Variants in ARHGAP44 observed in about 807,000 individuals in gnomAD.
ARHGAP44 encodes rho GTPase-activating protein 44.
ARHGAP44 carries 43 observed loss-of-function variants against 106.8 expected under a neutral mutation model. That is an observed-to-expected ratio of 0.40 (90% CI 0.32 to 0.52). The LOEUF is 0.52. ARHGAP44 is among the 20% of genes least tolerant of loss of function. ARHGAP44 has a pLI of 0.48. For synonymous variants in ARHGAP44, 439 were observed against 410.3 expected (o/e 1.07, Z -0.85); for missense variants, 866 against 1,050.5 (o/e 0.82, Z 2.43).
At chr17:12,831,016 G>A (rs1003643016) in intron 1 of ARHGAP44, among the ~76,000 whole-genome samples, 4 of 152,146 alleles carry the variant, frequency 2.6e-5, no homozygotes, top group Admixed American at 6.5e-5. Flanking sequence ...TTTCCTGTTC[G>A]GTTTTTGTCC....
chr17:12,892,985 T>A (rs983381677), intron 1 of ARHGAP44, among the ~76,000 whole-genome samples: 1 of 150,812 alleles, frequency 6.6e-6, no homozygotes, highest in Non-Finnish European at 1.5e-5. Context: ...TCAGTTTGAG[T>A]TTTTTTTTCT....
chr17:12,848,918 C>T (rs1408957326), intron 1 of ARHGAP44, among the ~76,000 whole-genome samples: 1 of 151,998 alleles, frequency 6.6e-6, no homozygotes, highest in Non-Finnish European at 1.5e-5. Flanking sequence ...CGTGGTGGCG[C>T]ATGCCTGTAA....
chr17:12,802,968 TA>T (rs1185458121), intron 1 of ARHGAP44, among the ~76,000 whole-genome samples: 97 of 23,818 alleles, frequency 4.1e-3, no homozygotes, highest in Non-Finnish European at 5.7e-3. Flanking sequence ...TATATATATA[TA>T]TTTTTTTTTT....
intron 3 of ARHGAP44, among the ~76,000 whole-genome samples, chr17:12,902,450 A>G (rs2037400943): frequency 6.6e-6 from 1 of 152,118 alleles, no homozygotes; most frequent in African/African-American, 2.4e-5. Context: ...TTCATAGCAC[A>G]TATTAGTATC....
intron 1 of ARHGAP44, among the ~76,000 whole-genome samples, chr17:12,871,237 T>C (rs992160112): frequency 1.3e-5 from 2 of 152,178 alleles, no homozygotes; most frequent in Non-Finnish European, 2.9e-5. Context: ...TCACGTCAAA[T>C]TGTAATCCCC....
chr17:12,868,591 T>TTATATATATATATATATATATATATATA (rs1209692482), intron 1 of ARHGAP44, among the ~76,000 whole-genome samples: 1 of 47,142 alleles, frequency 2.1e-5, no homozygotes, highest in Non-Finnish European at 4.4e-5. Flanking sequence ...TATATGCATT[T>TTATATATATATATATATATATATATATA]TATATATATA....
intron 1 of ARHGAP44, among the ~76,000 whole-genome samples, chr17:12,890,094 G>A (rs1040195388): frequency 3.3e-5 from 5 of 152,080 alleles, no homozygotes; most frequent in Non-Finnish European, 5.9e-5. Context: ...ACAGTTCTGG[G>A]GTTTGGGGGC....
At position 12,990,730 on chromosome 17, in the gene ARHGAP44, C is replaced by T. The variant is rs1407736643; in HGVS notation, c.*559C>T. 1 of 152,434 alleles carries T rather than the reference C, an allele frequency of 6.6e-6. No individual in the cohort carries two copies. The highest frequency in any genetic ancestry group is 2.4e-5 in the African/African-American group (1 of 41,476). 9.4% of individuals were successfully genotyped at this position (152,434 alleles called of 1,614,324 possible). A position where few individuals can be genotyped will look rare whatever the true frequency, so the allele number is the denominator to read the frequency against. The stretch of plus-strand genomic sequence containing the variant: ...GGGGGAGGGCTTGCCACTGGAAAAC[C>T]TTTCAGGCCGCCCCCATCAGTGGGC... On this transcript the variant is annotated 3_prime_UTR_variant, in exon 21 of 21. Coordinates refer to ENST00000379672, the MANE Select transcript of ARHGAP44 (RefSeq NM_014859.6).
In ARHGAP44 at chr17:12,789,777, G is replaced by T; in HGVS notation, c.-62G>T. On this transcript the variant is annotated 5_prime_UTR_variant, in exon 1 of 21. Coordinates refer to ENST00000379672, the MANE Select transcript of ARHGAP44 (RefSeq NM_014859.6). ...CCGCGCGGGAGCCATGTAACCCTGC[G>T]GCGGGCTCCGGGCTGCTCCGTCCTT... 7.1e-7 allele frequency: 1 copy of T among 1,416,420 alleles called. No homozygotes were observed. Among genetic ancestry groups the T allele is most frequent in the Non-Finnish European group, 9.3e-7 (1 of 1,080,504 alleles). The allele number at this position is 1,416,420 out of a possible 1,614,324, so 87.7% of individuals were successfully genotyped here. A position where few individuals can be genotyped will look rare whatever the true frequency, so the allele number is the denominator to read the frequency against.
chr17:12,989,534 ACTC>A (rs1343143910), intron 20 of ARHGAP44, among the ~76,000 whole-genome samples: 1 of 151,824 alleles, frequency 6.6e-6, no homozygotes, highest in African/African-American at 2.4e-5. Flanking sequence ...GAGACCTTCT[ACTC>A]CACCCATGTC....
rs567145443 is a variant in ARHGAP44 at position 12,799,529 on chromosome 17, A to G, written c.53+9638A>G. On this transcript the variant is annotated intron_variant, in intron 1 of 20. Transcript: ENST00000379672. ...GGCCTGGAATTCACAAACGTCACTT[A>G]TGTTCACTTTTCATGGGCCAGTACT... Among the ~76,000 whole-genome samples the G allele has an allele frequency of 1.3e-4, 20 of 152,182 alleles. No individual in the cohort carries two copies. The South Asian group carries it at 2.3e-3, about 17-fold the overall frequency.
intron 12 of ARHGAP44, among the ~76,000 whole-genome samples, chr17:12,951,813 GA>G (rs1430635344): frequency 6.6e-6 from 1 of 152,192 alleles, no homozygotes; most frequent in Non-Finnish European, 1.5e-5. Context: ...GCTTTTTAAA[GA>G]TACTAATGCG....
intron 1 of ARHGAP44, among the ~76,000 whole-genome samples, chr17:12,807,792 C>A (rs1365396822): frequency 6.6e-6 from 1 of 152,218 alleles, no homozygotes; most frequent in Non-Finnish European, 1.5e-5. Context: ...CCAACCATGC[C>A]TTCCCAACAG....
At chr17:12,845,424 C>T (rs2150837323) in intron 1 of ARHGAP44, among the ~76,000 whole-genome samples, 1 of 148,322 alleles carries the variant, frequency 6.7e-6, no homozygotes, top group Non-Finnish European at 1.5e-5. Flanking sequence ...AGGAGAATTG[C>T]TTGAAATCGG....
intron 1 of ARHGAP44, among the ~76,000 whole-genome samples, chr17:12,863,773 A>G (rs1014909100): frequency 6.6e-6 from 1 of 152,156 alleles, no homozygotes; most frequent in Non-Finnish European, 1.5e-5. Context: ...CCACCTCCAA[A>G]CTTGTGGCTT....
intron 18 of ARHGAP44, among the ~76,000 whole-genome samples, chr17:12,976,084 G>T (rs945526714): frequency 1.3e-5 from 2 of 152,118 alleles, no homozygotes; most frequent in Non-Finnish European, 2.9e-5. Flanking sequence ...ACATGCCACC[G>T]TGTCTCCTGT....
At chr17:12,813,143 T>C (rs2034488116) in intron 1 of ARHGAP44, among the ~76,000 whole-genome samples, 1 of 152,128 alleles carries the variant, frequency 6.6e-6, no homozygotes, top group Non-Finnish European at 1.5e-5. Context: ...TTGCTTTGCA[T>C]GTTCTGTTTC....
Position 12,929,031 on chromosome 17 carries a change from A to T in ARHGAP44, c.567A>T (p.Arg189Ser), listed in dbSNP as rs2038327374. ...LREEMEEAAN[R>S]VEICRDQLSA... Reference sequence around the variant, plus strand: ...AAGAAATGGAAGAGGCTGCCAACAGAGTGGAGATTTGCAGGGTACCTGCCC... The same window carrying T: ...AAGAAATGGAAGAGGCTGCCAACAGTGTGGAGATTTGCAGGGTACCTGCCC... Residue 189 changes from arginine to serine, a missense_variant, in exon 7 of 21, where the codon AGA becomes AGT. Arg to Ser is a moderately radical substitution (Grantham distance 110). Around this residue, in one of 2 missense-constraint regions of ARHGAP44, gnomAD observed 448 missense variants for 646.9 expected, o/e 0.69. Transcript: ENST00000379672. 1 of 1,612,532 alleles carries T rather than the reference A, an allele frequency of 6.2e-7. No homozygotes were observed. Among genetic ancestry groups the T allele is most frequent in the Non-Finnish European group, 8.5e-7 (1 of 1,179,290 alleles).
At chr17:12,819,464 T>C (rs543847952) in intron 1 of ARHGAP44, among the ~76,000 whole-genome samples, 5 of 152,096 alleles carry the variant, frequency 3.3e-5, no homozygotes, top group Middle Eastern at 3.4e-3. Flanking sequence ...GGGAGTAAAA[T>C]TGATGGATCA....
Sources: gnomAD v4.1 joint callset for allele counts (sites outside exome capture counted in the v4.1 genomes callset) on GRCh38, gnomAD v4.1.1 for gene constraint, gnomAD v4.1.1 regional missense constraint, MANE v1.5 for transcripts, NCBI Gene and HGNC (gene_info 2026-07-23, HGNC 2026-07-21) for gene names.